PCYT1B: variants seen among roughly 807,000 people sequenced by gnomAD.
PCYT1B encodes phosphate cytidylyltransferase 1B, choline, also known as choline-phosphate cytidylyltransferase B.
Under a neutral mutation model 26.4 loss-of-function variants are expected in PCYT1B, and 10 were observed. That is an observed-to-expected ratio of 0.38 (90% CI 0.23 to 0.64). The LOEUF (loss-of-function observed/expected upper bound fraction) is 0.64. Ranked by LOEUF, PCYT1B falls within the 30% of genes least tolerant of loss-of-function variation. The pLI is 0.56. For missense variants in PCYT1B, 161 were observed against 292.7 expected (o/e 0.55, Z 3.28); for synonymous variants, 131 against 108.4 (o/e 1.21, Z -1.29).
At chrX:24,584,244 G>A (rs967946047) in intron 5 of PCYT1B, among the ~76,000 whole-genome samples, 5 of 111,623 alleles carry the variant, frequency 4.5e-5, no homozygotes, top group Non-Finnish European at 7.5e-5. Flanking sequence ...TGGGAGGATC[G>A]CCTGAGCCCA....
intron 2 of PCYT1B, among the ~76,000 whole-genome samples, chrX:24,609,764 G>C (rs147157180): frequency 9.0e-6 from 1 of 111,298 alleles, no homozygotes; most frequent in Non-Finnish European, 1.9e-5. Context: ...GAAAGGGACC[G>C]CTAGTTTTCT....
At chrX:24,664,640 C>G (rs1426331814) in intron 1 of PCYT1B, among the ~76,000 whole-genome samples, 1 of 112,160 alleles carries the variant, frequency 8.9e-6, no homozygotes, top group African/African-American at 3.2e-5. Flanking sequence ...GCTCCACAAA[C>G]AGATTATATT....
chrX:24,601,525 G>A (rs111744424), intron 3 of PCYT1B, among the ~76,000 whole-genome samples: 1,263 of 105,763 alleles, frequency 0.012, 12 homozygotes, highest in Non-Finnish European at 0.018. Context: ...TGGACTGGGC[G>A]AAAAATATTT....
chrX:24,590,790 C>CTTTT (rs1226692293), intron 3 of PCYT1B, among the ~76,000 whole-genome samples: 16 of 75,328 alleles, frequency 2.1e-4, no homozygotes, highest in African/African-American at 5.0e-4. Flanking sequence ...TCACATCTCT[C>CTTTT]TTTTTTTTTT....
At chrX:24,572,999 CATAT>C (rs1265314133) in intron 7 of PCYT1B, among the ~76,000 whole-genome samples, 315 of 107,147 alleles carry the variant, frequency 2.9e-3, no homozygotes, top group African/African-American at 0.01. Flanking sequence ...CAAACACACA[CATAT>C]ATACACACAT....
At chrX:24,576,151 G>A (rs1316449135) in intron 6 of PCYT1B, among the ~76,000 whole-genome samples, 1 of 112,128 alleles carries the variant, frequency 8.9e-6, no homozygotes, top group East Asian at 2.8e-4. Flanking sequence ...GTATTAAGTG[G>A]CAGAGGCATT....
intron 3 of PCYT1B, among the ~76,000 whole-genome samples, chrX:24,607,004 C>A (rs748443106): frequency 8.9e-6 from 1 of 112,154 alleles, no homozygotes; most frequent in Admixed American, 9.5e-5. Flanking sequence ...AGTTTATATG[C>A]CACAAAAACT....
chrX:24,651,465 AAAAAAAAATATAT>A (rs1400255650), upstream of PCYT1B, among the ~76,000 whole-genome samples: 5 of 28,249 alleles, frequency 1.8e-4, no homozygotes, highest in African/African-American at 5.9e-4. Context: ...AAAAAAAAAA[AAAAAAAAATATAT>A]ATATATATAT....
At chrX:24,613,875 C>A (rs1390669845) in intron 2 of PCYT1B, among the ~76,000 whole-genome samples, 2 of 104,842 alleles carry the variant, frequency 1.9e-5, no homozygotes, top group African/African-American at 6.9e-5. Flanking sequence ...ATTGCTTGGG[C>A]CTGGGAGGTT....
chrX:24,597,876 A>G (rs889801532), intron 3 of PCYT1B, among the ~76,000 whole-genome samples: 13 of 112,695 alleles, frequency 1.2e-4, no homozygotes, highest in African/African-American at 2.6e-4. Flanking sequence ...CAAAAGGAGC[A>G]TTGGAAAGAA....
rs748195171 is a variant in PCYT1B at position 24,624,259 on chromosome X, G to A, written c.118-5175C>T. Reference sequence around the variant, plus strand: ...GCTGGGATTACAGGCATGAGCCACCGCGCCCGGCCAAGCTAAGCTATTCTT... The same window carrying A: ...GCTGGGATTACAGGCATGAGCCACCACGCCCGGCCAAGCTAAGCTATTCTT... On this transcript the variant is annotated intron_variant, in intron 1 of 7. Transcript: ENST00000379144. 4.9e-3 allele frequency among the ~76,000 whole-genome samples: 542 copies of A among 111,630 alleles called. 3 individuals are homozygous for A. The highest frequency in any genetic ancestry group is 0.017 in the African/African-American group (508 of 30,758).
At chrX:24,649,418 A>C (rs1569257528), upstream of PCYT1B, among the ~76,000 whole-genome samples, 1 of 111,498 alleles carries the variant, frequency 9.0e-6, no homozygotes, top group African/African-American at 3.3e-5. Flanking sequence ...TTCCCACTCC[A>C]GACCTACTGA....
At chrX:24,607,937 AC>A in intron 2 of PCYT1B, 76 bp from the exon 3 acceptor site, 1 of 533,303 alleles carries the variant, frequency 1.9e-6, no homozygotes, top group Non-Finnish European at 3.2e-6. Flanking sequence ...GTCGTAAGAA[AC>A]TTTCTGGATA....
At position 24,561,825 on chromosome X, in the gene PCYT1B, A is replaced by G; in HGVS notation, c.*468T>C. ...TCTGTCTTTTTCTCGACTATTTCAG[A>G]AGCACTTTGCCACCTCTATTGGAAA... On this transcript the variant is annotated 3_prime_UTR_variant, in exon 8 of 8. Transcript: ENST00000379144. 2.6e-6 allele frequency: 1 copy of G among 380,567 alleles called. No individual in the cohort carries two copies. Among genetic ancestry groups the G allele is most frequent in the Non-Finnish European group, 4.6e-6 (1 of 217,749 alleles). The allele number at this position is 380,567 out of a possible 1,213,427, so 31.4% of individuals were successfully genotyped here.
upstream of PCYT1B, among the ~76,000 whole-genome samples, chrX:24,651,589 C>G (rs772145717): frequency 1.1e-3 from 105 of 95,477 alleles, no homozygotes; most frequent in Non-Finnish European, 1.8e-3. Context: ...GGAGTGCAGT[C>G]ACGTGATCAC....
At position 24,628,103 on chromosome X, in the gene PCYT1B, G is replaced by A. The variant is rs138534998; in HGVS notation, c.118-9019C>T. On this transcript the variant is annotated intron_variant, in intron 1 of 7. Coordinates refer to ENST00000379144, the MANE Select transcript of PCYT1B (RefSeq NM_004845.5). Reference sequence around the variant, plus strand: ...GTGTTTGGGAGAAAGGACTAAGCTAGAGATGCAGGTTTAGAAACTGAGAGA... The same window carrying A: ...GTGTTTGGGAGAAAGGACTAAGCTAAAGATGCAGGTTTAGAAACTGAGAGA... Among the ~76,000 whole-genome samples the A allele has an allele frequency of 2.6e-3, 294 of 112,168 alleles. 4 individuals carry two copies. Among genetic ancestry groups the A allele is most frequent in the African/African-American group, 9.1e-3 (283 of 30,945 alleles).
intron 1 of PCYT1B, among the ~76,000 whole-genome samples, chrX:24,656,226 T>TCG (rs1371502022): frequency 7.8e-5 from 2 of 25,533 alleles, no homozygotes; most frequent in Non-Finnish European, 1.5e-4. Context: ...TTGCAGGGGG[T>TCG]CGCGGGGGGG....
At chrX:24,590,277 C>A (rs6629883) in intron 3 of PCYT1B, 103 bp from the exon 4 acceptor site, 36,060 of 655,018 alleles carry the variant, frequency 0.055, 1,552 homozygotes, top group South Asian at 0.26. Flanking sequence ...AGAAGCACAG[C>A]CTCGCTAGGT....
At chrX:24,629,756 T>C (rs1290548131) in intron 1 of PCYT1B, among the ~76,000 whole-genome samples, 3 of 109,703 alleles carry the variant, frequency 2.7e-5, no homozygotes, top group African/African-American at 3.3e-5. Flanking sequence ...ACAGGCTTCC[T>C]TAAAACACTG....
Sources: gnomAD v4.1 joint callset for allele counts (sites outside exome capture counted in the v4.1 genomes callset) on GRCh38, gnomAD v4.1.1 for gene constraint, MANE v1.5 for transcripts, NCBI Gene and HGNC (gene_info 2026-07-23, HGNC 2026-07-21) for gene names.